The following COL19A1 variants were observed in gnomAD, a reference collection of about 807,000 sequenced individuals.
COL19A1 encodes collagen alpha-1(XIX) chain.
A neutral mutation model predicts 190.2 loss-of-function variants in COL19A1; 159 were observed. The ratio of observed to expected loss-of-function variants is 0.84; its 90% confidence interval spans 0.73 to 0.95. COL19A1 has a LOEUF of 0.95. COL19A1 is among the 40% of genes least tolerant of loss of function. COL19A1 has a pLI of 0.00. For missense variants in COL19A1, 1,418 were observed against 1,431.9 expected, an observed-to-expected ratio of 0.99 and a Z score of 0.16; for synonymous variants, 509 against 458.9, an observed-to-expected ratio of 1.11 and a Z score of -1.39.
At chr6:69,999,666 G>A (rs989971465) in intron 11 of COL19A1, among the ~76,000 whole-genome samples, 5 of 152,086 alleles carry the variant, frequency 3.3e-5, no homozygotes, top group African/African-American at 1.2e-4. Flanking sequence ...TAAATACATT[G>A]GGTCAATATA....
Position 70,087,318 on chromosome 6 carries a change from T to C in COL19A1, c.1225-14851T>C, listed in dbSNP as rs551265565. Among the ~76,000 whole-genome samples the C allele has an allele frequency of 7.2e-5, 11 of 152,202 alleles. No homozygotes were observed. The East Asian group carries it at 1.2e-3, about 16-fold the overall frequency. The stretch of plus-strand genomic sequence containing the variant: ...GAGGAAGGGGATATGCAGTGTTGTG[T>C]GGAAGTCAGAGAAAGCCTTGCTGCC... On this transcript the variant is annotated intron_variant, in intron 15 of 50. Transcript: ENST00000620364.
At chr6:70,178,344 C>T (rs1184000622) in intron 42 of COL19A1, among the ~76,000 whole-genome samples, 2 of 151,916 alleles carry the variant, frequency 1.3e-5, no homozygotes, top group African/African-American at 4.8e-5. Context: ...TCACTGCACT[C>T]CAAACTGGGC....
At chr6:70,141,687 A>G (rs539731501) in intron 20 of COL19A1, among the ~76,000 whole-genome samples, 8 of 152,210 alleles carry the variant, frequency 5.3e-5, no homozygotes, top group African/African-American at 1.9e-4. Context: ...AAAAATTATT[A>G]TAATGAAGAA....
chr6:70,043,279 C>T lies in COL19A1; in HGVS notation c.1170+7340C>T, dbSNP rs1582762659. Among the ~76,000 whole-genome samples, 3 of 151,826 alleles carry T rather than the reference C, an allele frequency of 2.0e-5. No individual in the cohort carries two copies. In the East Asian group the frequency reaches 5.8e-4, roughly 29 times the overall value. On this transcript the variant is annotated intron_variant, in intron 14 of 50. Transcript: ENST00000620364. Reference sequence around the variant, plus strand: ...CGATCTCGGCTCACTGCAAGCTCCGCCTCTCGGGTTCACGCCATTCTCCTG... The same window carrying T: ...CGATCTCGGCTCACTGCAAGCTCCGTCTCTCGGGTTCACGCCATTCTCCTG...
At chr6:70,125,280 A>G (rs1239483145) in intron 17 of COL19A1, among the ~76,000 whole-genome samples, 1 of 152,218 alleles carries the variant, frequency 6.6e-6, no homozygotes, top group African/African-American at 2.4e-5. Context: ...TGATGTCTGC[A>G]CTGGAGCCCT....
rs1768230121 is a variant in COL19A1, at chr6:70,211,909, A to G, written c.*4635A>G. ...CAAAGCTAAGTCTAAGAAAATCTAA[A>G]TGGAAAAAAAATTGCGTGTTCAGAT... is the stretch of plus-strand genomic sequence containing the variant. On this transcript the variant is annotated 3_prime_UTR_variant, in exon 51 of 51. Coordinates refer to ENST00000620364, the MANE Select transcript of COL19A1 (RefSeq NM_001858.6). Among the ~76,000 whole-genome samples the G allele has an allele frequency of 6.6e-6, 1 of 152,118 alleles. No individual in the cohort carries two copies. Among genetic ancestry groups the G allele is most frequent in the African/African-American group, 2.4e-5 (1 of 41,416 alleles).
chr6:69,974,636 T>C (rs971029425), intron 11 of COL19A1, among the ~76,000 whole-genome samples: 3 of 152,320 alleles, frequency 2.0e-5, no homozygotes, highest in East Asian at 1.9e-4. Context: ...TTATCATTAA[T>C]GTTTATAACA....
chr6:69,968,886 G>T (rs749044220), intron 11 of COL19A1, among the ~76,000 whole-genome samples: 1 of 152,048 alleles, frequency 6.6e-6, no homozygotes, highest in Non-Finnish European at 1.5e-5. Context: ...TTAGTTTCTG[G>T]AGTACCACTC....
intron 18 of COL19A1, among the ~76,000 whole-genome samples, chr6:70,131,844 T>C (rs1428784136): frequency 6.6e-6 from 1 of 151,952 alleles, no homozygotes; most frequent in Non-Finnish European, 1.5e-5. Context: ...TCTTAAGACC[T>C]CACTGATGAG....
At position 69,871,787 on chromosome 6, in the gene COL19A1, C is replaced by T. The variant is rs1767840652; in HGVS notation, c.-33+5147C>T. ...AAACTGGTGCTGAGAGGCTCCTGAC[C>T]ATCTTATTTAGCAAGTCCACCATTT... On this transcript the variant is annotated intron_variant, in intron 1 of 50. Transcript: ENST00000620364. Among the ~76,000 whole-genome samples the T allele has an allele frequency of 2.0e-5, 3 of 150,620 alleles. No individual in the cohort carries two copies. In the South Asian group the frequency reaches 6.3e-4, roughly 31 times the overall value.
In COL19A1 at chr6:70,044,716, A is replaced by G. The variant is rs547547455; in HGVS notation, c.1170+8777A>G. ...CCTTTCTGAAATGCCAGTGGCAGAT[A>G]TGTTAGATTTTTGATAATGTCCCTC... On this transcript the variant is annotated intron_variant, in intron 14 of 50. Transcript: ENST00000620364. 3.1e-3 allele frequency among the ~76,000 whole-genome samples: 478 copies of G among 152,268 alleles called. 5 individuals carry two copies. The highest frequency in any genetic ancestry group is 0.011 in the African/African-American group (457 of 41,560).
chr6:70,164,113 G>A (rs1787983509), intron 36 of COL19A1, among the ~76,000 whole-genome samples: 1 of 152,142 alleles, frequency 6.6e-6, no homozygotes, highest in East Asian at 1.9e-4. Flanking sequence ...GAGAAGTTCT[G>A]TCCCTAGACG....
intron 14 of COL19A1, among the ~76,000 whole-genome samples, chr6:70,057,274 T>C (rs1780559335): frequency 6.6e-6 from 1 of 152,100 alleles, no homozygotes; most frequent in Non-Finnish European, 1.5e-5. Flanking sequence ...AGACAGATGA[T>C]ACAAATGGAT....
intron 14 of COL19A1, among the ~76,000 whole-genome samples, chr6:70,062,896 A>G (rs1049521606): frequency 3.3e-5 from 5 of 151,876 alleles, no homozygotes; most frequent in Admixed American, 6.6e-5. Context: ...GCCATTACAT[A>G]ATGGTAAAGG....
rs893420399 is a variant in COL19A1, at chr6:70,180,473, C to A, written c.2725C>A (p.Pro909Thr). The change falls in exon 44 of 51, where the codon CCT (proline) becomes ACT (threonine). Residue 909 changes from proline to threonine, a missense_variant. Coordinates refer to ENST00000620364, the MANE Select transcript of COL19A1 (RefSeq NM_001858.6). ...GVPGEPGERG[P>T]VGDIGFPGPE... ...GATGTGTTTATAGGGTGAGAGAGGACCTGTTGGAGATATAGGTTTCCCTGG... is the reference window on the plus strand; with the variant it reads ...GATGTGTTTATAGGGTGAGAGAGGAACTGTTGGAGATATAGGTTTCCCTGG... 6 of 1,613,894 alleles carry A rather than the reference C, an allele frequency of 3.7e-6. No individual in the cohort carries two copies. Among genetic ancestry groups the A allele is most frequent in the African/African-American group, 1.3e-5 (1 of 74,868 alleles).
intron 11 of COL19A1, among the ~76,000 whole-genome samples, chr6:70,010,767 G>A (rs1168430874): frequency 7.7e-6 from 1 of 129,044 alleles, no homozygotes; most frequent in Non-Finnish European, 1.6e-5. Flanking sequence ...CTGCAAGGCG[G>A]CAACGAGGCT....
chr6:70,023,301 T>C (rs991480537), intron 11 of COL19A1, among the ~76,000 whole-genome samples: 2 of 151,644 alleles, frequency 1.3e-5, no homozygotes, highest in Non-Finnish European at 2.9e-5. Context: ...GCCTGGCTAA[T>C]TTTTTTTGTA....
chr6:70,005,460 C>T (rs1323913063), intron 11 of COL19A1, among the ~76,000 whole-genome samples: 1 of 152,158 alleles, frequency 6.6e-6, no homozygotes, highest in East Asian at 1.9e-4. Flanking sequence ...AGGCCCTATT[C>T]ATCTGGTTTG....
intron 48 of COL19A1, among the ~76,000 whole-genome samples, chr6:70,192,598 G>T (rs191628960): frequency 6.6e-6 from 1 of 151,858 alleles, no homozygotes; most frequent in African/African-American, 2.4e-5. Flanking sequence ...TGAAAAAAAG[G>T]CAACTGTTTG....
Sources: allele counts gnomAD v4.1 joint callset (sites outside exome capture counted in the v4.1 genomes callset), GRCh38; gene constraint gnomAD v4.1.1; transcripts MANE v1.5; gene names NCBI Gene and HGNC (gene_info 2026-07-23, HGNC 2026-07-21).